The following ARHGAP20 variants were observed in gnomAD, a reference collection of about 807,000 sequenced individuals.
ARHGAP20 encodes the protein rho GTPase-activating protein 20.
ARHGAP20 carries 34 observed loss-of-function variants against 73.7 expected under a neutral mutation model. The ratio of observed to expected loss-of-function variants is 0.46; its 90% CI spans 0.35 to 0.61. The LOEUF is 0.61. Among genes scored for constraint, ARHGAP20 ranks in the 20% least tolerant of loss-of-function variants. ARHGAP20 has a pLI of 0.00. For synonymous variants in ARHGAP20, 523 were observed against 518.2 expected, an observed-to-expected ratio of 1.01 and a Z score of -0.13; for missense variants, 1,314 against 1,420.9, an observed-to-expected ratio of 0.92 and a Z score of 1.21.
chr11:110,635,898 T>G (rs188289382), intron 2 of ARHGAP20, among the ~76,000 whole-genome samples: 11 of 152,212 alleles, frequency 7.2e-5, no homozygotes, highest in African/African-American at 2.6e-4. Context: ...AAATAAAGCT[T>G]TCACTTGTTG....
chr11:110,587,870 G>A (rs970573912), intron 11 of ARHGAP20, among the ~76,000 whole-genome samples: 2 of 151,998 alleles, frequency 1.3e-5, no homozygotes, highest in African/African-American at 4.8e-5. Flanking sequence ...TGTGATTCAG[G>A]TATATCATTA....
intron 3 of ARHGAP20, among the ~76,000 whole-genome samples, chr11:110,627,402 A>G (rs1474676949): frequency 1.3e-5 from 2 of 152,042 alleles, no homozygotes; most frequent in Non-Finnish European, 2.9e-5. Context: ...CAAATTCTTT[A>G]TTTTGACAAC....
intron 2 of ARHGAP20, among the ~76,000 whole-genome samples, chr11:110,689,816 T>C (rs1472958399): frequency 6.6e-6 from 1 of 152,192 alleles, no homozygotes; most frequent in Non-Finnish European, 1.5e-5. Context: ...CCCAGAAGTA[T>C]GCCAACATAC....
In ARHGAP20 at chr11:110,580,795, G is replaced by A. The variant is rs752111289; in HGVS notation, c.2151C>T (p.Tyr717=). The A allele has an allele frequency of 9.3e-6, 15 of 1,613,752 alleles. No homozygotes were observed. The South Asian group carries it at 1.3e-4, about 14-fold the overall frequency. ...SIDYLDSKLS[Y]LREFYQKKLR... ...GCTTTTTCTGATAAAACTCCCTGAGGTAGGAAAGCTTTGAATCCAGATAGT... is the reference window on the plus strand; with the variant it reads ...GCTTTTTCTGATAAAACTCCCTGAGATAGGAAAGCTTTGAATCCAGATAGT... Residue 717 remains tyrosine, a synonymous_variant, in exon 15 of 15, where the codon TAC becomes TAT. Transcript: ENST00000683387.
chr11:110,598,644 G>T (rs561009322), intron 9 of ARHGAP20, among the ~76,000 whole-genome samples: 1 of 152,202 alleles, frequency 6.6e-6, no homozygotes, highest in African/African-American at 2.4e-5. Context: ...AAGGAACAAA[G>T]ATTTCCTAGA....
chr11:110,710,565 G>A (rs983047471), intron 1 of ARHGAP20, among the ~76,000 whole-genome samples: 9 of 152,162 alleles, frequency 5.9e-5, no homozygotes, highest in Non-Finnish European at 1.0e-4. Context: ...GGGCTAGCCT[G>A]ATAAATTCAC....
intron 2 of ARHGAP20, among the ~76,000 whole-genome samples, chr11:110,641,385 C>T (rs1157984728): frequency 6.6e-6 from 1 of 151,880 alleles, no homozygotes; most frequent in African/African-American, 2.4e-5. Context: ...TGTTTAACAA[C>T]ATCTATTAGG....
intron 2 of ARHGAP20, among the ~76,000 whole-genome samples, chr11:110,660,698 A>C (rs1468663249): frequency 6.6e-6 from 1 of 152,180 alleles, no homozygotes; most frequent in Non-Finnish European, 1.5e-5. Context: ...GGTTACTCAC[A>C]TTCTCAGGTG....
rs1001493762 is a variant in ARHGAP20 at position 110,668,070 on chromosome 11, C to T, written c.188+22477G>A. ...AAATCAGTAGCAGAATTTGAGAGGA[C>T]TGACTTCAATTTTGAAAGAAGTTCT... On this transcript the variant is annotated intron_variant, in intron 2 of 14. Transcript: ENST00000683387. 5.9e-5 allele frequency among the ~76,000 whole-genome samples: 9 copies of T among 152,184 alleles called. No homozygotes were observed. In the South Asian group the frequency reaches 6.2e-4, roughly 10 times the overall value.
chr11:110,692,631 C>T (rs998755707), intron 1 of ARHGAP20, among the ~76,000 whole-genome samples: 4 of 151,958 alleles, frequency 2.6e-5, no homozygotes, highest in African/African-American at 9.7e-5. Flanking sequence ...AGCTCCTTGG[C>T]TTTCAGGTTT....
chr11:110,686,492 T>C (rs1202366569), intron 2 of ARHGAP20, among the ~76,000 whole-genome samples: 1 of 152,168 alleles, frequency 6.6e-6, no homozygotes, highest in East Asian at 1.9e-4. Flanking sequence ...CCATATTGTT[T>C]TCTTTTATAA....
At chr11:110,603,472 TTTAA>T (rs1212534324) in intron 9 of ARHGAP20, among the ~76,000 whole-genome samples, 1 of 152,196 alleles carries the variant, frequency 6.6e-6, no homozygotes, top group African/African-American at 2.4e-5. Flanking sequence ...ACAATGAATG[TTTAA>T]TTACAAGTAA....
chr11:110,656,532 AG>A (rs1949470747), intron 2 of ARHGAP20, among the ~76,000 whole-genome samples: 1 of 152,092 alleles, frequency 6.6e-6, no homozygotes, highest in Non-Finnish European at 1.5e-5. Context: ...CCTCTTAGTA[AG>A]GGAGAGAGTT....
rs1299125206 is a variant in ARHGAP20 at position 110,712,217 on chromosome 11, G to A, written c.15C>T (p.Ser5=). Residue 5 remains serine (S), a synonymous_variant, in exon 1 of 15, where the codon TCC becomes TCT. Coordinates refer to ENST00000683387, the MANE Select transcript of ARHGAP20 (RefSeq NM_001384657.1). ...GTCCCCCTAGAGTCTCCTGCTGGGGGGACATCGCTTCCATGAAGAAAATCT... is the reference window on the plus strand; with the variant it reads ...GTCCCCCTAGAGTCTCCTGCTGGGGAGACATCGCTTCCATGAAGAAAATCT... MEAM[S]PQQETLGGQP... 2 of 1,364,990 alleles carry A rather than the reference G, an allele frequency of 1.5e-6. No individual in the cohort carries two copies. The highest frequency in any genetic ancestry group is 1.9e-6 in the Non-Finnish European group (2 of 1,050,632). 84.6% of individuals were successfully genotyped at this position (1,364,990 alleles called of 1,614,324 possible).
chr11:110,599,994 G>C (rs532499520), intron 9 of ARHGAP20, among the ~76,000 whole-genome samples: 37 of 152,280 alleles, frequency 2.4e-4, no homozygotes, highest in Non-Finnish European at 4.0e-4. Flanking sequence ...ACACTTGATG[G>C]GGCACCCTGG....
intron 9 of ARHGAP20, among the ~76,000 whole-genome samples, chr11:110,601,961 A>T (rs1209901067): frequency 6.6e-6 from 1 of 150,620 alleles, no homozygotes; most frequent in Non-Finnish European, 1.5e-5. Flanking sequence ...AGCCTGGGCG[A>T]TAAGAATGAG....
At chr11:110,621,179 T>C (rs1403025171) in intron 4 of ARHGAP20, among the ~76,000 whole-genome samples, 2 of 151,668 alleles carry the variant, frequency 1.3e-5, no homozygotes, top group African/African-American at 4.8e-5. Context: ...TTGTACTACA[T>C]TGTTTTTATC....
intron 9 of ARHGAP20, among the ~76,000 whole-genome samples, chr11:110,597,340 A>C (rs1295297171): frequency 6.6e-6 from 1 of 151,594 alleles, no homozygotes; most frequent in Non-Finnish European, 1.5e-5. Flanking sequence ...TCTGAAGTCC[A>C]GGAAGGGGTT....
At chr11:110,627,465 T>C (rs1948770493) in intron 3 of ARHGAP20, among the ~76,000 whole-genome samples, 1 of 152,122 alleles carries the variant, frequency 6.6e-6, no homozygotes, top group African/African-American at 2.4e-5. Flanking sequence ...TGATTTCCTA[T>C]CCTCCTATCT....
Sources: gnomAD v4.1 joint callset for allele counts (sites outside exome capture counted in the v4.1 genomes callset) on GRCh38, gnomAD v4.1.1 for gene constraint, MANE v1.5 for transcripts, NCBI Gene and HGNC (gene_info 2026-07-23, HGNC 2026-07-21) for gene names.